VPS13A: variants seen among roughly 807,000 people sequenced by gnomAD.
VPS13A encodes vacuolar protein sorting 13 homolog A, also known as intermembrane lipid transfer protein VPS13A.
VPS13A carries 264 observed loss-of-function variants against 390.9 expected under a neutral mutation model. That is an observed-to-expected ratio of 0.68 (90% CI 0.61 to 0.75). The LOEUF is 0.75. Ranked by LOEUF, VPS13A falls within the 30% of genes least tolerant of loss-of-function variation. The probability of loss-of-function intolerance (pLI) is 0.00; values close to 1 mark genes in which losing one functional copy is unlikely to be tolerated. For missense variants in VPS13A, 3,409 were observed against 3,733.9 expected (o/e 0.91, Z 2.27); for synonymous variants, 1,231 against 1,227.1 (o/e 1.00, Z -0.07).
rs377250650 is a variant in VPS13A at position 77,315,209 on chromosome 9, C to T, written c.4413-44C>T. 4 of 1,537,376 alleles carry T rather than the reference C, an allele frequency of 2.6e-6. No individual in the cohort carries two copies. In the African/African-American group the frequency reaches 5.5e-5, roughly 21 times the overall value. ...GTTTTACTCATATGTTTGATTACTTCTAAGTTACTCATACATAGGAATTGT... is the reference window on the plus strand; with the variant it reads ...GTTTTACTCATATGTTTGATTACTTTTAAGTTACTCATACATAGGAATTGT... On this transcript the variant is annotated intron_variant, in intron 37 of 71. Transcript: ENST00000360280.
chr9:77,220,181 A>C, intron 11 of VPS13A, 96 bp from the exon 12 acceptor site: 1 of 1,511,776 alleles, frequency 6.6e-7, no homozygotes. Context: ...GTTATATGGT[A>C]GCATTTCCCT....
In VPS13A at chr9:77,416,195, GATTAAAATATTTTAATTCTTCAGCA is replaced by G. The variant is rs1835165617; in HGVS notation, c.*194_*218del. The G allele has an allele frequency of 1.7e-6, 1 of 581,716 alleles. No individual in the cohort carries two copies. Among genetic ancestry groups the G allele is most frequent in the African/African-American group, 1.9e-5 (1 of 53,124 alleles). 36.0% of individuals were successfully genotyped at this position (581,716 alleles called of 1,614,324 possible). A position where few individuals can be genotyped will look rare whatever the true frequency, so the allele number is the denominator to read the frequency against. On this transcript the variant is annotated 3_prime_UTR_variant, in exon 72 of 72. Coordinates refer to ENST00000360280, the MANE Select transcript of VPS13A (RefSeq NM_033305.3). Reference sequence around the variant, plus strand: ...CCAGAATCAGGTAAAACAGCTATGTGATTAAAATATTTTAATTCTTCAGCAATTACCCGGTTTTCTAAATTGAATC... The same window carrying G: ...CCAGAATCAGGTAAAACAGCTATGTGATTACCCGGTTTTCTAAATTGAATC...
chr9:77,314,342 T>C (rs190650130), intron 36 of VPS13A, among the ~76,000 whole-genome samples, 153 bp from the exon 37 acceptor site: 393 of 152,286 alleles, frequency 2.6e-3, no homozygotes, highest in Non-Finnish European at 4.7e-3. Flanking sequence ...TAAAGTGATA[T>C]GTATATATTT....
chr9:77,317,541 G>A (rs1829471212), intron 39 of VPS13A, 65 bp from the exon 40 acceptor site: 1 of 1,245,320 alleles, frequency 8.0e-7, no homozygotes, highest in Non-Finnish European at 1.1e-6. Flanking sequence ...TACTAGGAAA[G>A]TCTTTAAATA....
chr9:77,213,053 C>T (rs376856665), intron 8 of VPS13A, 25 bp downstream of exon 8: 23 of 1,612,720 alleles, frequency 1.4e-5, no homozygotes, highest in Non-Finnish European at 2.0e-5. Context: ...TGTTTGTCAA[C>T]TCATGGACTT....
In VPS13A at chr9:77,420,185, A is replaced by C. The variant is rs1835303688; in HGVS notation, c.*4179A>C. 4 of 152,174 alleles carry C rather than the reference A, an allele frequency of 2.6e-5. No homozygotes were observed. The highest frequency in any genetic ancestry group is 2.6e-4 in the Admixed American group (4 of 15,274). 9.4% of individuals were successfully genotyped at this position (152,174 alleles called of 1,614,324 possible). On this transcript the variant is annotated 3_prime_UTR_variant, in exon 72 of 72. Coordinates refer to ENST00000360280, the MANE Select transcript of VPS13A (RefSeq NM_033305.3). The stretch of plus-strand genomic sequence containing the variant: ...CTAGGATTTGTCGGTTAAAATTTTG[A>C]TTCTTGTAATCTGTACTGTCAATTT...
intron 23 of VPS13A, 116 bp downstream of exon 23, chr9:77,260,340 T>C: frequency 2.2e-6 from 2 of 902,442 alleles, no homozygotes; most frequent in Non-Finnish European, 3.3e-6. Flanking sequence ...GAATAGACAT[T>C]AAGAAAATTA....
chr9:77,207,254 A>ATATATAT (rs1564630578), intron 5 of VPS13A, among the ~76,000 whole-genome samples: 639 of 53,332 alleles, frequency 0.012, 27 homozygotes, highest in East Asian at 0.048. Flanking sequence ...TATATATATA[A>ATATATAT]AACGTGTTAT....
chr9:77,188,791 A>G (rs1824497401), intron 1 of VPS13A, among the ~76,000 whole-genome samples: 1 of 151,866 alleles, frequency 6.6e-6, no homozygotes, highest in Non-Finnish European at 1.5e-5. Flanking sequence ...AGCATCTGTT[A>G]TTTTTGACTT....
At chr9:77,333,861 C>A (rs181608581) in intron 46 of VPS13A, among the ~76,000 whole-genome samples, 22 of 152,114 alleles carry the variant, frequency 1.4e-4, no homozygotes, top group African/African-American at 5.1e-4. Flanking sequence ...ATTCATTTAA[C>A]AAATATTTAT....
chr9:77,183,697 A>G (rs1243372111), intron 1 of VPS13A, among the ~76,000 whole-genome samples: 5 of 152,266 alleles, frequency 3.3e-5, no homozygotes, highest in Admixed American at 6.5e-5. Flanking sequence ...TTAAACATAC[A>G]TCAACCATGT....
Position 77,344,161 on chromosome 9 carries a change from C to G in VPS13A, c.7035C>G (p.Pro2345=). 6.3e-7 allele frequency: 1 copy of G among 1,598,498 alleles called. No homozygotes were observed. Among genetic ancestry groups the G allele is most frequent in the South Asian group, 1.1e-5 (1 of 90,706 alleles). Residue 2345 remains proline (P), a synonymous_variant, in exon 51 of 72, where the codon CCC becomes CCG. Coordinates refer to ENST00000360280, the MANE Select transcript of VPS13A (RefSeq NM_033305.3). ...TATAATGTATATTTTAGTGTATCCC[C>G]TTTTGGCCTGAGTATGCTTCTAGTA... The part of the protein sequence containing the change: ...WLSLDLEQCI[P]FWPEYASSKL...
At chr9:77,268,737 C>A (rs542658589) in intron 23 of VPS13A, among the ~76,000 whole-genome samples, 21 of 151,902 alleles carry the variant, frequency 1.4e-4, no homozygotes, top group Non-Finnish European at 4.4e-5. Context: ...GTTAGGAGTT[C>A]GAGACCAGCC....
chr9:77,193,466 T>C (rs1002111895), intron 1 of VPS13A, among the ~76,000 whole-genome samples: 1 of 152,058 alleles, frequency 6.6e-6, no homozygotes, highest in Non-Finnish European at 1.5e-5. Flanking sequence ...AAACCCTGTC[T>C]CTAATTAAAA....
intron 68 of VPS13A, among the ~76,000 whole-genome samples, chr9:77,383,341 G>T (rs998591479): frequency 4.6e-5 from 7 of 151,924 alleles, no homozygotes; most frequent in African/African-American, 1.4e-4. Context: ...CTATTAAGAG[G>T]TTGTGCTCTA....
chr9:77,361,609 C>T (rs543826097), intron 59 of VPS13A, among the ~76,000 whole-genome samples: 9 of 151,956 alleles, frequency 5.9e-5, no homozygotes, highest in Non-Finnish European at 1.0e-4. Flanking sequence ...AACTTAATCA[C>T]CATGTGATTA....
At chr9:77,313,083 A>G (rs1829185658) in intron 35 of VPS13A, among the ~76,000 whole-genome samples, 1 of 152,218 alleles carries the variant, frequency 6.6e-6, no homozygotes, top group African/African-American at 2.4e-5. Flanking sequence ...GTGCATGACT[A>G]GCTATAAGAG....
chr9:77,414,769 A>ATAATAAT (rs71356600), intron 71 of VPS13A, among the ~76,000 whole-genome samples: 4 of 150,394 alleles, frequency 2.7e-5, no homozygotes, highest in Non-Finnish European at 3.0e-5. Flanking sequence ...AATAATAATA[A>ATAATAAT]AAACTTAGAG....
intron 54 of VPS13A, 94 bp downstream of exon 54, chr9:77,353,735 T>G (rs908069089): frequency 7.2e-6 from 9 of 1,253,330 alleles, no homozygotes; most frequent in Non-Finnish European, 1.0e-5. Flanking sequence ...TAGTTTCAGT[T>G]TTGTGCTTTG....
Sources: gnomAD v4.1 joint callset for allele counts (sites outside exome capture counted in the v4.1 genomes callset) on GRCh38, gnomAD v4.1.1 for gene constraint, MANE v1.5 for transcripts, NCBI Gene and HGNC (gene_info 2026-07-23, HGNC 2026-07-21) for gene names.